GOLGA8J: variants seen among roughly 807,000 people sequenced by gnomAD.
The protein encoded by GOLGA8J is golgin subfamily A member 8J.
Under a neutral mutation model 67.7 loss-of-function variants are expected in GOLGA8J, and 19 were observed. The observed-to-expected ratio is 0.28, with a 90% CI of 0.20 to 0.41. The LOEUF is 0.41. Among genes scored for constraint, GOLGA8J ranks in the 10% least tolerant of loss-of-function variants. The pLI, the probability that GOLGA8J is intolerant of heterozygous loss-of-function variation, is 1.00. For synonymous variants in GOLGA8J, 69 were observed against 215.9 expected, an observed-to-expected ratio of 0.32 and a Z score of 5.97; for missense variants, 205 against 584.3, an observed-to-expected ratio of 0.35 and a Z score of 6.69.
rs1417184460 is a variant in GOLGA8J, at chr15:30,085,020, C to G, written c.168+130C>G. On this transcript the variant is annotated intron_variant, in intron 2 of 18. Coordinates refer to ENST00000567927, the MANE Select transcript of GOLGA8J (RefSeq NM_001282472.2). ...GGCTTTAGCCGGGTGTGGTGGCCCA[C>G]GCCTGTAATCCTAGCACTTTGGGAG... The G allele has an allele frequency of 1.8e-4, 96 of 524,232 alleles. 6 individuals are homozygous for G. Among genetic ancestry groups the G allele is most frequent in the Non-Finnish European group, 2.8e-4 (91 of 320,828 alleles). 32.5% of individuals were successfully genotyped at this position (524,232 alleles called of 1,614,324 possible). A position where few individuals can be genotyped will look rare whatever the true frequency, so the allele number is the denominator to read the frequency against.
chr15:30,088,479 A>G (rs529802964), intron 8 of GOLGA8J: 1 of 573,784 alleles, frequency 1.7e-6, no homozygotes, highest in African/African-American at 2.0e-5. Flanking sequence ...AAAGGTTCAA[A>G]CAGTGGTAAT....
Position 30,091,571 on chromosome 15 carries a change from C to A in GOLGA8J, c.1237C>A (p.Leu413Ile), listed in dbSNP as rs1177048824. 1.9e-6 allele frequency: 3 copies of A among 1,569,040 alleles called. No individual in the cohort carries two copies. The highest frequency in any genetic ancestry group is 1.8e-5 in the Admixed American group (1 of 57,074). Residue 413 changes from leucine to isoleucine, a missense_variant, in exon 14 of 19, where the codon CTA (leucine) becomes ATA (isoleucine). Physicochemically the swap from Leu to Ile is conservative, Grantham distance 5 (BLOSUM62 2). Transcript: ENST00000567927. ...LEAASQQNQQ[L>I]TAQLSLMALP... ...AGCTGCCAGCCAGCAGAACCAGCAG[C>A]TAACGGCCCAGCTGAGCCTCATGGC...
In GOLGA8J at chr15:30,094,178, AGT is replaced by A. The variant is rs1484268529; in HGVS notation, c.*684_*685del. ...CCTCTGGCAGGTACGTGCAGGATAGAGTGTGTTTCATCTGTTCCGGTGCCCGG... is the reference window on the plus strand; with the variant it reads ...CCTCTGGCAGGTACGTGCAGGATAGAGTGTTTCATCTGTTCCGGTGCCCGG... On this transcript the variant is annotated 3_prime_UTR_variant, in exon 19 of 19. Transcript: ENST00000567927. 6.9e-6 allele frequency among the ~76,000 whole-genome samples: 1 copy of A among 144,100 alleles called. No homozygotes were observed. Among genetic ancestry groups the A allele is most frequent in the Non-Finnish European group, 1.5e-5 (1 of 67,372 alleles). The allele number at this position is 144,100 out of a possible 152,430, so 94.5% of individuals were successfully genotyped here.
At position 30,094,302 on chromosome 15, in the gene GOLGA8J, C is replaced by G. The variant is rs74727634; in HGVS notation, c.*803C>G. Among the ~76,000 whole-genome samples, 4 of 147,130 alleles carry G rather than the reference C, an allele frequency of 2.7e-5. No individual in the cohort carries two copies. Among genetic ancestry groups the G allele is most frequent in the African/African-American group, 1.1e-4 (4 of 38,058 alleles). On this transcript the variant is annotated 3_prime_UTR_variant, in exon 19 of 19. Transcript: ENST00000567927. ...GAGCTGCAGCAGTTGTACTCTTTTT[C>G]GATGACCTAAAAAGGGCTTATTTCT...
Position 30,092,034 on chromosome 15 carries a change from C to T in GOLGA8J, c.1277-8C>T, listed in dbSNP as rs1453588112. The T allele has an allele frequency of 1.3e-6, 2 of 1,598,280 alleles. No homozygotes were observed. The highest frequency in any genetic ancestry group is 1.7e-6 in the Non-Finnish European group (2 of 1,173,990). The stretch of plus-strand genomic sequence containing the variant: ...TTGTCTGAAGACCCGTCTGACCACC[C>T]CCCACAGGACACGGAGGAGAACATC... On this transcript the variant is annotated splice_region_variant and splice_polypyrimidine_tract_variant and intron_variant, in intron 14 of 18. Transcript: ENST00000567927.
rs779836595 is a variant in GOLGA8J, at chr15:30,089,877, G to A, written c.1052G>A (p.Arg351Gln). Residue 351 changes from arginine (R) to glutamine (Q), a missense_variant, in exon 12 of 19, where the codon CGG (arginine) becomes CAG (glutamine). By Grantham distance (43) the Arg-to-Gln change is conservative. Coordinates refer to ENST00000567927, the MANE Select transcript of GOLGA8J (RefSeq NM_001282472.2). ...ATTCGGGAGCAGGAAGAGAGGCTTC[G>A]GAAGCAGGAGGAGAGGATTCAGGAG... ...ERIREQEERL[R>Q]KQEERIQEQH... 4.1e-5 allele frequency: 62 copies of A among 1,530,028 alleles called. 3 individuals carry two copies. Among genetic ancestry groups the A allele is most frequent in the Middle Eastern group, 2.3e-4 (1 of 4,282 alleles). 94.8% of individuals were successfully genotyped at this position (1,530,028 alleles called of 1,614,324 possible). A position where few individuals can be genotyped will look rare whatever the true frequency, so the allele number is the denominator to read the frequency against.
In GOLGA8J at chr15:30,096,320, T is replaced by G. The variant is rs529644399; in HGVS notation, c.*2821T>G. Among the ~76,000 whole-genome samples, 20 of 150,770 alleles carry G rather than the reference T, an allele frequency of 1.3e-4. No individual in the cohort carries two copies. The highest frequency in any genetic ancestry group is 4.9e-4 in the African/African-American group (20 of 40,562). ...AAAACCAAAGCTGATTTTAGAAAAT[T>G]TGAAAATGTAAATCAGCCCTATCCA... On this transcript the variant is annotated 3_prime_UTR_variant, in exon 19 of 19. Coordinates refer to ENST00000567927, the MANE Select transcript of GOLGA8J (RefSeq NM_001282472.2).
intron 1 of GOLGA8J, 146 bp from the exon 2 acceptor site, chr15:30,084,625 A>T: frequency 1.9e-6 from 1 of 533,566 alleles, no homozygotes; most frequent in Middle Eastern, 5.8e-4. Context: ...CTTCTCAGTC[A>T]CTAAATGAGT....
Position 30,092,774 on chromosome 15 carries a change from T to C in GOLGA8J, c.1435T>C (p.Cys479Arg), listed in dbSNP as rs1306593931. The change falls in exon 16 of 19, where the codon TGC (cysteine) becomes CGC (arginine). Residue 479 changes from cysteine (C) to arginine (R), a missense_variant. By Grantham distance (180) the Cys-to-Arg change is radical. Transcript: ENST00000567927. ...TGAGCTGGTGAAGAAAAAAGAACTC[T>C]GCTTCATCCACCACTGGCGAGAGAG... ...LSELVKKKEL[C>R]FIHHWRERCH... 4.4e-5 allele frequency: 68 copies of C among 1,535,546 alleles called. 1 individual carries two copies. The highest frequency in any genetic ancestry group is 7.3e-5 in the African/African-American group (5 of 68,354).
At chr15:30,084,674 A>T in intron 1 of GOLGA8J, 97 bp from the exon 2 acceptor site, 1 of 512,862 alleles carries the variant, frequency 1.9e-6, no homozygotes, top group East Asian at 3.1e-5. Context: ...TCATTAAATC[A>T]GATGGTGTGT....
chr15:30,085,286 A>G lies in GOLGA8J; in HGVS notation c.168+396A>G, dbSNP rs2057338442. ...CAGAGCAAGACTCTGTCTCAAAGAAAAAAAAAAAAAGGAATTCTGGGTTTG... is the reference window on the plus strand; with the variant it reads ...CAGAGCAAGACTCTGTCTCAAAGAAGAAAAAAAAAAGGAATTCTGGGTTTG... On this transcript the variant is annotated intron_variant, in intron 2 of 18. Transcript: ENST00000567927. Among the ~76,000 whole-genome samples, 2 of 105,080 alleles carry G rather than the reference A, an allele frequency of 1.9e-5. 1 individual carries two copies. The highest frequency in any genetic ancestry group is 1.7e-4 in the Admixed American group (2 of 11,742). 68.9% of individuals were successfully genotyped at this position (105,080 alleles called of 152,430 possible). A position where few individuals can be genotyped will look rare whatever the true frequency, so the allele number is the denominator to read the frequency against.
Position 30,088,643 on chromosome 15 carries a change from G to A in GOLGA8J, c.592-97G>A, listed in dbSNP as rs1235084190. 7,552 of 988,964 alleles carry A rather than the reference G, an allele frequency of 7.6e-3. 62 individuals are homozygous for A. Among genetic ancestry groups the A allele is most frequent in the African/African-American group, 0.021 (1,199 of 58,466 alleles). The allele number at this position is 988,964 out of a possible 1,614,324, so 61.3% of individuals were successfully genotyped here. A position where few individuals can be genotyped will look rare whatever the true frequency, so the allele number is the denominator to read the frequency against. On this transcript the variant is annotated intron_variant, in intron 8 of 18. Transcript: ENST00000567927. ...GGAAATGCCTTGATCTTTACTGACC[G>A]AGTTGTATATTGGGCCTAGCCCTAG... is the stretch of plus-strand genomic sequence containing the variant.
rs766837086 is a variant in GOLGA8J, at chr15:30,089,715, C to G, written c.890C>G (p.Pro297Arg). The G allele has an allele frequency of 2.0e-6, 3 of 1,534,444 alleles. 1 individual carries two copies. Among genetic ancestry groups the G allele is most frequent in the Non-Finnish European group, 2.6e-6 (3 of 1,145,690 alleles). ...CCTTTGTCAGCTGAACCCTTGCCCC[C>G]GGAGCCCCCAGCAGTGCCCTCTGAG... ...LKNQMAEPLPPEPPAVPSEVE... is the reference protein window; with the variant it reads ...LKNQMAEPLPREPPAVPSEVE... The change falls in exon 12 of 19, where the codon CCG becomes CGG. Residue 297 changes from proline to arginine, a missense_variant. Transcript: ENST00000567927.
At chr15:30,089,062 C>T (rs1449963071) in intron 10 of GOLGA8J, 22 bp downstream of exon 10, 3 of 901,782 alleles carry the variant, frequency 3.3e-6, no homozygotes, top group East Asian at 2.6e-5. Context: ...CCCTTCAGCC[C>T]CCCCACATTA....
chr15:30,089,908 C>T lies in GOLGA8J; in HGVS notation c.1083C>T (p.His361=), dbSNP rs1420989920. 6.6e-7 allele frequency: 1 copy of T among 1,511,718 alleles called. No homozygotes were observed. The highest frequency in any genetic ancestry group is 1.9e-5 in the Admixed American group (1 of 51,314). 93.6% of individuals were successfully genotyped at this position (1,511,718 alleles called of 1,614,324 possible). ...RKQEERIQEQ[H]KSLQQLAKPQ... is the part of the protein sequence containing the mutation. ...AGGAGGAGAGGATTCAGGAGCAGCACAAGAGCCTTCAGCAGCTGGCCAAGC... is the reference window on the plus strand; with the variant it reads ...AGGAGGAGAGGATTCAGGAGCAGCATAAGAGCCTTCAGCAGCTGGCCAAGC... Residue 361 remains histidine, a synonymous_variant, in exon 12 of 19, where the codon CAC becomes CAT. Coordinates refer to ENST00000567927, the MANE Select transcript of GOLGA8J (RefSeq NM_001282472.2).
chr15:30,089,819 A>C lies in GOLGA8J; in HGVS notation c.994A>C (p.Ile332Leu), dbSNP rs1196151410. The C allele has an allele frequency of 6.4e-7, 1 of 1,559,362 alleles. No homozygotes were observed. The highest frequency in any genetic ancestry group is 2.2e-5 in the East Asian group (1 of 44,504). Residue 332 changes from isoleucine to leucine, a missense_variant, in exon 12 of 19, where the codon ATA (isoleucine) becomes CTA (leucine). By Grantham distance (5) the Ile-to-Leu change is conservative. Coordinates refer to ENST00000567927, the MANE Select transcript of GOLGA8J (RefSeq NM_001282472.2). ...GGCCCAGGTCAAAAACAATCAGCGC[A>C]TAAGTCTCCTGAACCAGCGACAAGA... ...LQAQVKNNQR[I>L]SLLNQRQEER...
intron 13 of GOLGA8J, 111 bp downstream of exon 13, chr15:30,090,391 G>A: frequency 3.9e-6 from 6 of 1,523,976 alleles, no homozygotes; most frequent in Non-Finnish European, 5.3e-6. Context: ...GGGGGCTGGT[G>A]ACCACAGCAC....
Position 30,089,927 on chromosome 15 carries a change from G to A in GOLGA8J, c.1102G>A (p.Ala368Thr), listed in dbSNP as rs776591271. ...GCAGCACAAGAGCCTTCAGCAGCTGGCCAAGCCACAGAGCGTCTTCAAGGA... is the reference window on the plus strand; with the variant it reads ...GCAGCACAAGAGCCTTCAGCAGCTGACCAAGCCACAGAGCGTCTTCAAGGA... Reference protein sequence around the residue: ...QEQHKSLQQLAKPQSVFKEPN... With the variant: ...QEQHKSLQQLTKPQSVFKEPN... The change falls in exon 12 of 19, where the codon GCC becomes ACC. Residue 368 changes from alanine to threonine, a missense_variant. Physicochemically the swap from Ala to Thr is moderately conservative, Grantham distance 58. Transcript: ENST00000567927. 3 of 1,509,356 alleles carry A rather than the reference G, an allele frequency of 2.0e-6. No homozygotes were observed. Among genetic ancestry groups the A allele is most frequent in the Non-Finnish European group, 2.6e-6 (3 of 1,137,690 alleles). The allele number at this position is 1,509,356 out of a possible 1,614,324, so 93.5% of individuals were successfully genotyped here. A position where few individuals can be genotyped will look rare whatever the true frequency, so the allele number is the denominator to read the frequency against.
chr15:30,085,063 A>ACC, intron 2 of GOLGA8J, among the ~76,000 whole-genome samples, 173 bp downstream of exon 2: 1 of 95,934 alleles, frequency 1.0e-5, no homozygotes, highest in Non-Finnish European at 1.8e-5. Flanking sequence ...CAGGCGGATC[A>ACC]TGAGGTCAGG....
Sources: allele counts gnomAD v4.1 joint callset (sites outside exome capture counted in the v4.1 genomes callset), GRCh38; gene constraint gnomAD v4.1.1; transcripts MANE v1.5; gene names NCBI Gene and HGNC (gene_info 2026-07-23, HGNC 2026-07-21).